The following SPTLC1 variants were observed in gnomAD, a reference collection of about 807,000 sequenced individuals.
The protein encoded by SPTLC1 is serine palmitoyltransferase long chain base subunit 1.
In SPTLC1, 55 loss-of-function variants were observed where a neutral mutation model predicts 68.9. The ratio of observed to expected loss-of-function variants is 0.80; its 90% CI spans 0.64 to 1.00. The LOEUF is 1.00. Ranked by LOEUF, SPTLC1 falls within the 50% of genes least tolerant of loss-of-function variation. SPTLC1 has a pLI of 0.00. For missense variants in SPTLC1, 449 were observed against 573.1 expected (o/e 0.78, Z 2.21); for synonymous variants, 197 against 201.6 (o/e 0.98, Z 0.19).
rs1407271839 is a variant in SPTLC1 at position 92,032,401 on chromosome 9, C to T, written c.*64G>A. 6.2e-6 allele frequency: 10 copies of T among 1,612,664 alleles called. No individual in the cohort carries two copies. Among genetic ancestry groups the T allele is most frequent in the South Asian group, 1.1e-5 (1 of 91,032 alleles). ...GCTCTCTTTCAGGCCACTCCATGGC[C>T]AGCGGGAGTCTTGAGTCCTCTCTGC... On this transcript the variant is annotated 3_prime_UTR_variant, in exon 15 of 15. Coordinates refer to ENST00000262554, the MANE Select transcript of SPTLC1 (RefSeq NM_006415.4).
chr9:92,063,841 G>A (rs1218468582), intron 6 of SPTLC1, among the ~76,000 whole-genome samples: 2 of 152,106 alleles, frequency 1.3e-5, no homozygotes, highest in African/African-American at 4.8e-5. Flanking sequence ...AGAAAAAAAA[G>A]ATGAGGTGCA....
intron 5 of SPTLC1, among the ~76,000 whole-genome samples, chr9:92,070,689 G>A (rs1460115442): frequency 6.6e-6 from 1 of 152,046 alleles, no homozygotes; most frequent in Non-Finnish European, 1.5e-5. Context: ...CAAATAGGGG[G>A]GATAGTCCTA....
intron 12 of SPTLC1, among the ~76,000 whole-genome samples, chr9:92,042,301 C>T (rs896535179): frequency 1.4e-4 from 21 of 152,026 alleles, no homozygotes; most frequent in South Asian, 4.1e-4. Context: ...TGAACTAAGA[C>T]GCAAAAGCAT....
intron 6 of SPTLC1, among the ~76,000 whole-genome samples, chr9:92,060,447 T>C (rs1587930874): frequency 6.6e-6 from 1 of 151,542 alleles, no homozygotes; most frequent in South Asian, 2.1e-4. Flanking sequence ...CTGAAGCAAA[T>C]GAAATAATAA....
In SPTLC1 at chr9:92,032,258, TC is replaced by T; in HGVS notation, c.*206del. 3.9e-6 allele frequency: 6 copies of T among 1,525,514 alleles called. No individual in the cohort carries two copies. The highest frequency in any genetic ancestry group is 5.3e-6 in the Non-Finnish European group (6 of 1,141,826). 94.5% of individuals were successfully genotyped at this position (1,525,514 alleles called of 1,614,324 possible). ...TAGTTTTCCTCTTAAAAAAATCAGT[TC>T]CTGGGCTTTTAGATGTGTTTTCTTT... On this transcript the variant is annotated 3_prime_UTR_variant, in exon 15 of 15. Coordinates refer to ENST00000262554, the MANE Select transcript of SPTLC1 (RefSeq NM_006415.4).
Position 92,059,191 on chromosome 9 carries a change from G to T in SPTLC1, c.678C>A (p.Ile226=). 1 of 1,613,506 alleles carries T rather than the reference G, an allele frequency of 6.2e-7. No individual in the cohort carries two copies. Among genetic ancestry groups the T allele is most frequent in the Non-Finnish European group, 8.5e-7 (1 of 1,179,774 alleles). The change falls in exon 7 of 15, where the codon ATC becomes ATA. Residue 226 remains isoleucine, a synonymous_variant. Coordinates refer to ENST00000262554, the MANE Select transcript of SPTLC1 (RefSeq NM_006415.4). ...AAAAGAATCATACCTTTTGATCTTCGATCTCTTGTTCTTTTAGTAGTCGCT... is the reference window on the plus strand; with the variant it reads ...AAAAGAATCATACCTTTTGATCTTCTATCTCTTGTTCTTTTAGTAGTCGCT... The part of the protein sequence containing the change: ...DLERLLKEQE[I]EDQKNPRKAR...
At chr9:92,090,013 T>G (rs751501011) in intron 3 of SPTLC1, among the ~76,000 whole-genome samples, 6 of 152,200 alleles carry the variant, frequency 3.9e-5, no homozygotes, top group Admixed American at 6.5e-5. Flanking sequence ...AAAACATTTC[T>G]CATTAAGAGA....
At chr9:92,057,831 A>AT (rs1201162370) in intron 7 of SPTLC1, among the ~76,000 whole-genome samples, 1 of 152,254 alleles carries the variant, frequency 6.6e-6, no homozygotes, top group Non-Finnish European at 1.5e-5. Context: ...AAAAATATAA[A>AT]TTAGTAAAAA....
At chr9:92,080,712 T>C (rs1225262577) in intron 4 of SPTLC1, among the ~76,000 whole-genome samples, 158 bp downstream of exon 4, 2 of 152,134 alleles carry the variant, frequency 1.3e-5, no homozygotes, top group Non-Finnish European at 2.9e-5. Flanking sequence ...CTAATTTTTG[T>C]ATTTTTTGGT....
At chr9:92,049,264 C>T (rs865847263) in intron 9 of SPTLC1, among the ~76,000 whole-genome samples, 3 of 152,292 alleles carry the variant, frequency 2.0e-5, no homozygotes, top group Middle Eastern at 6.8e-3. Flanking sequence ...CTCTTATGCG[C>T]ATGTTTTGGA....
chr9:92,078,200 T>C (rs1564102820), intron 5 of SPTLC1, among the ~76,000 whole-genome samples: 2 of 152,150 alleles, frequency 1.3e-5, no homozygotes, highest in Non-Finnish European at 2.9e-5. Flanking sequence ...GCTGCTGCTC[T>C]CCTCCGTACC....
intron 5 of SPTLC1, among the ~76,000 whole-genome samples, chr9:92,076,531 TTACTC>T (rs1381578358): frequency 2.6e-5 from 4 of 152,204 alleles, no homozygotes; most frequent in African/African-American, 9.7e-5. Context: ...CCTCTCAAGC[TTACTC>T]TATCCTCTCC....
At chr9:92,079,981 G>A (rs1421263480) in intron 5 of SPTLC1, 35 bp downstream of exon 5, 1 of 1,549,118 alleles carries the variant, frequency 6.5e-7, no homozygotes, top group East Asian at 2.2e-5. Context: ...ACTATTGAAA[G>A]CAGTAGTCTC....
intron 3 of SPTLC1, among the ~76,000 whole-genome samples, chr9:92,094,682 A>G (rs190590113): frequency 3.9e-5 from 6 of 152,316 alleles, no homozygotes; most frequent in Admixed American, 3.3e-4. Context: ...CGTCCTTCCA[A>G]TTAAATCACA....
intron 1 of SPTLC1, 143 bp downstream of exon 1, chr9:92,115,171 C>T (rs1312945713): frequency 6.4e-6 from 5 of 783,840 alleles, no homozygotes; most frequent in East Asian, 2.6e-5. Flanking sequence ...TAGAAGCTCC[C>T]GGCAGTCCTT....
intron 3 of SPTLC1, among the ~76,000 whole-genome samples, chr9:92,085,354 T>C (rs1307739657): frequency 6.7e-6 from 1 of 149,798 alleles, no homozygotes; most frequent in East Asian, 2.0e-4. Flanking sequence ...TTTTGGATCT[T>C]TCCTGCTTTC....
intron 5 of SPTLC1, chr9:92,079,573 A>T: frequency 6.2e-7 from 1 of 1,612,648 alleles, no homozygotes; most frequent in South Asian, 1.1e-5. Flanking sequence ...CATTCTAGAA[A>T]GATAAAAAAC....
chr9:92,049,899 G>T, intron 9 of SPTLC1, 61 bp downstream of exon 9: 1 of 1,098,012 alleles, frequency 9.1e-7, no homozygotes. Flanking sequence ...TATAGGCCTA[G>T]CAGAATGGAA....
rs753700526 is a variant in SPTLC1 at position 92,032,269 on chromosome 9, T to C, written c.*196A>G. On this transcript the variant is annotated 3_prime_UTR_variant, in exon 15 of 15. Transcript: ENST00000262554. ...TTAAAAAAATCAGTTCCTGGGCTTT[T>C]AGATGTGTTTTCTTTTTAAAAAAAA... 2.0e-6 allele frequency: 3 copies of C among 1,530,752 alleles called. No homozygotes were observed. In the South Asian group the frequency reaches 3.6e-5, roughly 18 times the overall value. The allele number at this position is 1,530,752 out of a possible 1,614,324, so 94.8% of individuals were successfully genotyped here.
Sources: allele counts gnomAD v4.1 joint callset (sites outside exome capture counted in the v4.1 genomes callset), GRCh38; gene constraint gnomAD v4.1.1; transcripts MANE v1.5; gene names NCBI Gene and HGNC (gene_info 2026-07-23, HGNC 2026-07-21).